The following GLDC variants were observed in gnomAD, a reference collection of about 807,000 sequenced individuals.
The protein encoded by GLDC is glycine dehydrogenase (decarboxylating), mitochondrial.
In GLDC, 104 loss-of-function variants were observed where a neutral mutation model predicts 121.3. The observed-to-expected ratio is 0.86, with a 90% CI of 0.73 to 1.01. The LOEUF is 1.01. Ranked by LOEUF, GLDC falls within the 50% of genes least tolerant of loss-of-function variation. The pLI is 0.00. For missense variants in GLDC, 1,429 were observed against 1,306.6 expected (o/e 1.09, Z -1.44); for synonymous variants, 546 against 480.6 (o/e 1.14, Z -1.78).
Position 6,610,365 on chromosome 9 carries a change from G to A in GLDC, c.471-9C>T, listed in dbSNP as rs557572975. The A allele has an allele frequency of 3.0e-5, 49 of 1,613,808 alleles. 1 individual carries two copies. In the South Asian group the frequency reaches 4.7e-4, roughly 16 times the overall value. ...GAGTATACTGGGTGATCCTGCAAGG[G>A]AAACAAAAGGTCTTGTCCAAACTGA... On this transcript the variant is annotated splice_polypyrimidine_tract_variant and intron_variant, in intron 3 of 24. Transcript: ENST00000321612.
At chr9:6,582,388 G>A (rs934442899) in intron 15 of GLDC, among the ~76,000 whole-genome samples, 1 of 151,702 alleles carries the variant, frequency 6.6e-6, no homozygotes, top group Non-Finnish European at 1.5e-5. Flanking sequence ...GGCCACGGGG[G>A]CAGGCACCTG....
At chr9:6,556,377 T>G in intron 17 of GLDC, 75 bp from the exon 18 acceptor site, 1 of 1,205,668 alleles carries the variant, frequency 8.3e-7, no homozygotes, top group Non-Finnish European at 1.2e-6. Flanking sequence ...TCGCCTTTCA[T>G]TTTAAAGGAT....
intron 2 of GLDC, among the ~76,000 whole-genome samples, chr9:6,627,292 T>C: frequency 1.2e-5 from 1 of 81,496 alleles, no homozygotes; most frequent in Non-Finnish European, 2.1e-5. Flanking sequence ...CGAGACTCCA[T>C]CTCAAAAAAA....
At position 6,558,388 on chromosome 9, in the gene GLDC, G is replaced by A. The variant is rs146514919; in HGVS notation, c.2052+171C>T. ...ACACAAGCTGGAATTAGAAAACGGG[G>A]ATTTCTCCCTGTTGGTGATGGGAGG... On this transcript the variant is annotated intron_variant, in intron 17 of 24. Transcript: ENST00000321612. 1.9e-5 allele frequency: 15 copies of A among 770,802 alleles called. No homozygotes were observed. In the East Asian group the frequency reaches 2.9e-4, roughly 15 times the overall value. The allele number at this position is 770,802 out of a possible 1,614,324, so 47.7% of individuals were successfully genotyped here.
At chr9:6,592,547 A>G (rs1818395715) in intron 10 of GLDC, among the ~76,000 whole-genome samples, 1 of 152,214 alleles carries the variant, frequency 6.6e-6, no homozygotes, top group South Asian at 2.1e-4. Flanking sequence ...CTTAACCTGT[A>G]TATCAGTTAT....
intron 2 of GLDC, among the ~76,000 whole-genome samples, chr9:6,640,369 G>C (rs1246203640): frequency 6.6e-6 from 1 of 152,256 alleles, no homozygotes; most frequent in African/African-American, 2.4e-5. Context: ...GGCATCATCT[G>C]GCTAAAGACA....
intron 20 of GLDC, among the ~76,000 whole-genome samples, chr9:6,552,904 C>G (rs972049742): frequency 6.6e-6 from 1 of 151,798 alleles, no homozygotes; most frequent in Non-Finnish European, 1.5e-5. Flanking sequence ...AAGCAAATTT[C>G]TGCTATTTTT....
intron 3 of GLDC, among the ~76,000 whole-genome samples, chr9:6,611,422 G>GGT (rs1180739961): frequency 1.3e-5 from 2 of 152,190 alleles, no homozygotes; most frequent in Non-Finnish European, 2.9e-5. Context: ...CAGGCGTGGT[G>GGT]GCACGTGCCT....
intron 8 of GLDC, among the ~76,000 whole-genome samples, chr9:6,599,151 T>C (rs1453467853): frequency 6.8e-6 from 1 of 146,758 alleles, no homozygotes; most frequent in Non-Finnish European, 1.5e-5. Context: ...GCCATTGCAC[T>C]CCAGCCTGGG....
At chr9:6,552,028 G>A (rs1293535004) in intron 20 of GLDC, among the ~76,000 whole-genome samples, 1 of 152,146 alleles carries the variant, frequency 6.6e-6, no homozygotes, top group Admixed American at 6.5e-5. Flanking sequence ...TAAGGATTTC[G>A]TGCAGGCTAG....
chr9:6,636,309 A>C (rs966977659), intron 2 of GLDC, among the ~76,000 whole-genome samples: 1 of 151,786 alleles, frequency 6.6e-6, no homozygotes, highest in Non-Finnish European at 1.5e-5. Flanking sequence ...GTCTCAAAAA[A>C]AAAAAAAACA....
chr9:6,572,841 T>C (rs1817991991), intron 15 of GLDC, among the ~76,000 whole-genome samples: 1 of 152,214 alleles, frequency 6.6e-6, no homozygotes, highest in Non-Finnish European at 1.5e-5. Context: ...CATTTTCTGT[T>C]GTTTGCAAAC....
intron 8 of GLDC, among the ~76,000 whole-genome samples, chr9:6,595,769 C>T (rs1281044525): frequency 6.6e-6 from 1 of 152,132 alleles, no homozygotes; most frequent in Non-Finnish European, 1.5e-5. Flanking sequence ...TTCGAGGTTA[C>T]AGTGACCTAT....
chr9:6,545,999 A>C (rs553925031), intron 21 of GLDC, among the ~76,000 whole-genome samples: 1 of 152,320 alleles, frequency 6.6e-6, no homozygotes, highest in South Asian at 2.1e-4. Flanking sequence ...CTCTTTTGTA[A>C]TAACACTTTA....
intron 22 of GLDC, among the ~76,000 whole-genome samples, chr9:6,538,893 G>A (rs1563828590): frequency 6.6e-6 from 1 of 152,174 alleles, no homozygotes; most frequent in Non-Finnish European, 1.5e-5. Context: ...TCTTGAGGAT[G>A]GGATTGGTAA....
intron 2 of GLDC, among the ~76,000 whole-genome samples, chr9:6,629,698 A>T (rs1305270817): frequency 6.6e-6 from 1 of 151,896 alleles, no homozygotes; most frequent in South Asian, 2.1e-4. Context: ...GGCCTCAATT[A>T]TAAGGGAAAA....
At chr9:6,597,891 G>A (rs983651999) in intron 8 of GLDC, among the ~76,000 whole-genome samples, 3 of 151,582 alleles carry the variant, frequency 2.0e-5, no homozygotes, top group Non-Finnish European at 2.9e-5. Flanking sequence ...GCGAGATGGC[G>A]CTACTGCACT....
At chr9:6,562,509 T>A (rs909202588) in intron 16 of GLDC, among the ~76,000 whole-genome samples, 2 of 152,220 alleles carry the variant, frequency 1.3e-5, no homozygotes, top group Non-Finnish European at 2.9e-5. Context: ...TCTTCCCTGA[T>A]TAGTGAATAC....
At chr9:6,556,558 C>T (rs766425538) in intron 17 of GLDC, among the ~76,000 whole-genome samples, 2 of 152,092 alleles carry the variant, frequency 1.3e-5, no homozygotes, top group Non-Finnish European at 2.9e-5. Flanking sequence ...TCTGGGAGGC[C>T]GAGGCGGGCA....
Sources: gnomAD v4.1 joint callset for allele counts (sites outside exome capture counted in the v4.1 genomes callset) on GRCh38, gnomAD v4.1.1 for gene constraint, MANE v1.5 for transcripts, NCBI Gene and HGNC (gene_info 2026-07-23, HGNC 2026-07-21) for gene names.